The following EPHA4 variants were observed in gnomAD, a reference collection of about 807,000 sequenced individuals.
EPHA4 encodes the protein EPH receptor A4, also known as ephrin type-A receptor 4.
EPHA4 carries 19 observed loss-of-function variants against 108.3 expected under a neutral mutation model. The observed-to-expected ratio is 0.18, with a 90% CI of 0.12 to 0.26. The LOEUF (loss-of-function observed/expected upper bound fraction) is 0.26. Ranked by LOEUF, EPHA4 falls within the 10% of genes least tolerant of loss-of-function variation. EPHA4 has a pLI of 1.00. For synonymous variants in EPHA4, 449 were observed against 455.5 expected (o/e 0.99, Z 0.18); for missense variants, 917 against 1,254.0 (o/e 0.73, Z 4.06).
chr2:221,486,491 G>A (rs1691976570), intron 4 of EPHA4, among the ~76,000 whole-genome samples: 1 of 151,980 alleles, frequency 6.6e-6, no homozygotes, highest in Non-Finnish European at 1.5e-5. Flanking sequence ...AGCACTTTGG[G>A]AGGCCAAAGT....
At chr2:221,459,112 G>A (rs576688104) in intron 5 of EPHA4, among the ~76,000 whole-genome samples, 2 of 152,202 alleles carry the variant, frequency 1.3e-5, no homozygotes, top group East Asian at 1.9e-4. Flanking sequence ...AAATGGTATG[G>A]GAAAAGCTTC....
intron 1 of EPHA4, 51 bp from the exon 2 acceptor site, chr2:221,568,836 T>C: frequency 1.3e-6 from 2 of 1,525,856 alleles, no homozygotes; most frequent in Admixed American, 1.8e-5. Flanking sequence ...AAAAAGCCAA[T>C]AACACAAAAA....
intron 3 of EPHA4, among the ~76,000 whole-genome samples, chr2:221,511,139 G>C (rs998303609): frequency 2.0e-5 from 3 of 152,156 alleles, no homozygotes; most frequent in Non-Finnish European, 4.4e-5. Context: ...CTGTTTTAAA[G>C]TGTAGATGTT....
intron 3 of EPHA4, among the ~76,000 whole-genome samples, chr2:221,544,292 C>T (rs1316761981): frequency 6.6e-6 from 1 of 152,164 alleles, no homozygotes; most frequent in Non-Finnish European, 1.5e-5. Flanking sequence ...ATAGATCTGC[C>T]ACATATTCAC....
chr2:221,441,081 G>A (rs1366516997), intron 11 of EPHA4, among the ~76,000 whole-genome samples: 1 of 152,004 alleles, frequency 6.6e-6, no homozygotes, highest in African/African-American at 2.4e-5. Context: ...ACTGTATAGT[G>A]TGTACTTTCT....
Position 221,507,439 on chromosome 2 carries a change from T to C in EPHA4, c.824-6267A>G, listed in dbSNP as rs139257862. Among the ~76,000 whole-genome samples, 543 of 152,336 alleles carry C rather than the reference T, an allele frequency of 3.6e-3. 2 individuals carry two copies. The highest frequency in any genetic ancestry group is 6.3e-3 in the Non-Finnish European group (426 of 68,028). ...TGTGGGGACAATTTCTTTGAATCAG[T>C]TCAAATTTCTGCAATTATATATTAT... On this transcript the variant is annotated intron_variant, in intron 3 of 17. Coordinates refer to ENST00000281821, the MANE Select transcript of EPHA4 (RefSeq NM_004438.5).
At chr2:221,481,452 C>T (rs1691817126) in intron 5 of EPHA4, among the ~76,000 whole-genome samples, 1 of 151,686 alleles carries the variant, frequency 6.6e-6, no homozygotes, top group Non-Finnish European at 1.5e-5. Flanking sequence ...GAGTTCGAGA[C>T]CAGCCTGGTC....
intron 14 of EPHA4, among the ~76,000 whole-genome samples, chr2:221,430,372 C>T (rs1443638452): frequency 6.6e-6 from 1 of 152,176 alleles, no homozygotes; most frequent in African/African-American, 2.4e-5. Context: ...AGGGAAGATG[C>T]ATCAATGTTC....
At chr2:221,527,255 C>G (rs778957157) in intron 3 of EPHA4, among the ~76,000 whole-genome samples, 4 of 152,124 alleles carry the variant, frequency 2.6e-5, no homozygotes, top group South Asian at 4.1e-4. Context: ...TATTAATAAC[C>G]CTGTTCGGCT....
intron 5 of EPHA4, among the ~76,000 whole-genome samples, chr2:221,471,840 G>A (rs1021717087): frequency 6.6e-6 from 1 of 152,156 alleles, no homozygotes; most frequent in Non-Finnish European, 1.5e-5. Context: ...GAGGGGGTAA[G>A]GCTCTGCTAG....
At chr2:221,547,817 G>A (rs1568359) in intron 3 of EPHA4, among the ~76,000 whole-genome samples, 15,006 of 152,052 alleles carry the variant, frequency 0.099, 1,129 homozygotes, top group East Asian at 0.36. Context: ...CCATCATTTC[G>A]TGCCCTGGCC....
In EPHA4 at chr2:221,563,771, T is replaced by C. The variant is rs1694540083; in HGVS notation, c.783A>G (p.Leu261=). Residue 261 remains leucine (L), a synonymous_variant, in exon 3 of 18, where the codon CTA becomes CTG. Transcript: ENST00000281821. ...TCCGCTCCTCATGCCCAGCGTTGCATAGGCAGTTGCCAATGGGTACCAGCC... is the reference window on the plus strand; with the variant it reads ...TCCGCTCCTCATGCCCAGCGTTGCACAGGCAGTTGCCAATGGGTACCAGCC... ...GEWLVPIGNC[L]CNAGHEERSG... 4 of 1,614,256 alleles carry C rather than the reference T, an allele frequency of 2.5e-6. No individual in the cohort carries two copies. Among genetic ancestry groups the C allele is most frequent in the African/African-American group, 1.3e-5 (1 of 75,066 alleles).
At chr2:221,448,755 G>C (rs144741821) in intron 8 of EPHA4, among the ~76,000 whole-genome samples, 6 of 152,194 alleles carry the variant, frequency 3.9e-5, no homozygotes, top group South Asian at 2.1e-4. Flanking sequence ...TTAAGATCTC[G>C]AACACTGATT....
rs1012847654 is a variant in EPHA4 at position 221,425,795 on chromosome 2, G to A, written c.*233C>T. The A allele has an allele frequency of 1.9e-6, 1 of 517,024 alleles. No individual in the cohort carries two copies. Among genetic ancestry groups the A allele is most frequent in the Non-Finnish European group, 3.4e-6 (1 of 290,062 alleles). 32.0% of individuals were successfully genotyped at this position (517,024 alleles called of 1,614,324 possible). A position where few individuals can be genotyped will look rare whatever the true frequency, so the allele number is the denominator to read the frequency against. On this transcript the variant is annotated 3_prime_UTR_variant, in exon 17 of 18. Transcript: ENST00000281821. ...TTACAGACTGGTGATGAACAGAAAA[G>A]TACTTCTGAGAAACGATTTGTTCCA...
chr2:221,570,325 C>T (rs201524949), intron 1 of EPHA4, among the ~76,000 whole-genome samples: 252 of 117,930 alleles, frequency 2.1e-3, no homozygotes, highest in Non-Finnish European at 3.5e-3. Context: ...TCCCCCCCCC[C>T]CAAAAAAAGA....
At chr2:221,487,386 A>C (rs926288743) in intron 4 of EPHA4, among the ~76,000 whole-genome samples, 2 of 152,176 alleles carry the variant, frequency 1.3e-5, no homozygotes, top group Non-Finnish European at 2.9e-5. Context: ...GGGAATTTGA[A>C]ATGTGGGTTC....
intron 5 of EPHA4, among the ~76,000 whole-genome samples, chr2:221,479,714 C>A (rs1343203209): frequency 1.3e-5 from 2 of 152,118 alleles, no homozygotes; most frequent in Non-Finnish European, 2.9e-5. Context: ...GATAAACTAT[C>A]CTGATGACTT....
intron 5 of EPHA4, among the ~76,000 whole-genome samples, chr2:221,465,464 T>A (rs1691280047): frequency 6.6e-6 from 1 of 152,190 alleles, no homozygotes; most frequent in Non-Finnish European, 1.5e-5. Context: ...ACGTTAATTG[T>A]TTGCATAGGG....
chr2:221,533,617 T>C (rs17298665), intron 3 of EPHA4, among the ~76,000 whole-genome samples: 3,983 of 151,260 alleles, frequency 0.026, 71 homozygotes, highest in Non-Finnish European at 0.038. Context: ...TTCCAGTCTA[T>C]GGAGTTTCAA....
Sources: gnomAD v4.1 joint callset for allele counts (sites outside exome capture counted in the v4.1 genomes callset) on GRCh38, gnomAD v4.1.1 for gene constraint, MANE v1.5 for transcripts, NCBI Gene and HGNC (gene_info 2026-07-23, HGNC 2026-07-21) for gene names.